Variants in MYO3B observed in about 807,000 individuals in gnomAD.
MYO3B encodes the protein myosin-IIIb.
Under a neutral mutation model 174.6 loss-of-function variants are expected in MYO3B, and 156 were observed. The observed-to-expected ratio is 0.89, with a 90% CI of 0.78 to 1.02. The LOEUF (loss-of-function observed/expected upper bound fraction) is 1.02. MYO3B is among the 50% of genes least tolerant of loss of function. The pLI is 0.00. For missense variants in MYO3B, 1,632 were observed against 1,639.4 expected, an observed-to-expected ratio of 1.00 and a Z score of 0.08; for synonymous variants, 563 against 569.1, an observed-to-expected ratio of 0.99 and a Z score of 0.15.
At chr2:170,357,588 T>C (rs2094132063) in intron 8 of MYO3B, among the ~76,000 whole-genome samples, 1 of 151,974 alleles carries the variant, frequency 6.6e-6, no homozygotes. Flanking sequence ...TTTTTTATCT[T>C]TCCTTATCAC....
intron 8 of MYO3B, among the ~76,000 whole-genome samples, chr2:170,339,002 T>C (rs534452251): frequency 6.6e-6 from 1 of 152,358 alleles, no homozygotes; most frequent in South Asian, 2.1e-4. Context: ...GTGCATTATA[T>C]TTATTCAAAT....
At chr2:170,212,455 G>A (rs2092782130) in intron 3 of MYO3B, among the ~76,000 whole-genome samples, 2 of 152,164 alleles carry the variant, frequency 1.3e-5, no homozygotes, top group African/African-American at 4.8e-5. Flanking sequence ...AGAAGCCAAA[G>A]GAAAAAGACT....
At chr2:170,408,108 G>T (rs958112408) in intron 22 of MYO3B, among the ~76,000 whole-genome samples, 2 of 152,152 alleles carry the variant, frequency 1.3e-5, no homozygotes, top group African/African-American at 4.8e-5. Flanking sequence ...AGACTTTCTT[G>T]TCCTTCTTTT....
In MYO3B at chr2:170,649,263, A is replaced by ATATATTATATATAAAATAATATATAT. The variant is rs1559202029; in HGVS notation, c.3734-2359_3734-2334dup. 3.9e-4 allele frequency among the ~76,000 whole-genome samples: 14 copies of ATATATTATATATAAAATAATATATAT among 35,448 alleles called. 1 individual carries two copies. In the East Asian group the frequency reaches 0.011, roughly 28 times the overall value. The allele number at this position is 35,448 out of a possible 152,430, so 23.3% of individuals were successfully genotyped here. ...TATATTATATATAAAATAATATATA[A>ATATATTATATATAAAATAATATATAT]TATATTATATATAAAATAATATATA... On this transcript the variant is annotated intron_variant, in intron 32 of 34. Transcript: ENST00000408978.
chr2:170,209,693 T>G (rs1221013566), intron 3 of MYO3B, among the ~76,000 whole-genome samples: 1 of 152,176 alleles, frequency 6.6e-6, no homozygotes, highest in African/African-American at 2.4e-5. Context: ...AGAAACACAA[T>G]TGACAAAGAA....
intron 16 of MYO3B, among the ~76,000 whole-genome samples, chr2:170,398,663 T>C (rs2094455464): frequency 6.6e-6 from 1 of 152,136 alleles, no homozygotes; most frequent in African/African-American, 2.4e-5. Flanking sequence ...GAAAGACTCC[T>C]AGCATTCCTA....
intron 25 of MYO3B, among the ~76,000 whole-genome samples, chr2:170,486,916 C>A (rs904174371): frequency 6.6e-6 from 1 of 152,200 alleles, no homozygotes; most frequent in Non-Finnish European, 1.5e-5. Context: ...CAAATCATTT[C>A]CCTTCTCCAC....
intron 1 of MYO3B, among the ~76,000 whole-genome samples, chr2:170,183,713 CA>C: frequency 6.6e-6 from 1 of 152,068 alleles, no homozygotes; most frequent in Non-Finnish European, 1.5e-5. Context: ...AAAAACAATG[CA>C]AAATTTTATA....
At chr2:170,377,877 C>A (rs1383833207) in intron 9 of MYO3B, among the ~76,000 whole-genome samples, 7 of 152,184 alleles carry the variant, frequency 4.6e-5, no homozygotes, top group Non-Finnish European at 8.8e-5. Context: ...TTATCTATGT[C>A]TCCATTCCTC....
intron 7 of MYO3B, among the ~76,000 whole-genome samples, chr2:170,301,916 CT>C (rs1559371138): frequency 7.4e-6 from 1 of 134,640 alleles, no homozygotes; most frequent in Non-Finnish European, 1.5e-5. Context: ...CTGGATTTTC[CT>C]TCTCAGTCAC....
chr2:170,630,046 T>C (rs1696811822), intron 32 of MYO3B, among the ~76,000 whole-genome samples: 1 of 152,186 alleles, frequency 6.6e-6, no homozygotes, highest in Non-Finnish European at 1.5e-5. Context: ...TTCATCTCAT[T>C]GAGACTGGTC....
intron 25 of MYO3B, among the ~76,000 whole-genome samples, chr2:170,482,069 A>C (rs963495560): frequency 2.6e-5 from 4 of 152,092 alleles, no homozygotes; most frequent in Non-Finnish European, 4.4e-5. Context: ...ATGGGGGCAC[A>C]TCTTTCCCTT....
At chr2:170,464,004 A>C (rs948744749) in intron 24 of MYO3B, among the ~76,000 whole-genome samples, 1 of 152,188 alleles carries the variant, frequency 6.6e-6, no homozygotes, top group African/African-American at 2.4e-5. Flanking sequence ...ATAAAGCGTT[A>C]GAGTTGGAAG....
intron 32 of MYO3B, among the ~76,000 whole-genome samples, chr2:170,579,185 G>A (rs978764201): frequency 4.6e-5 from 7 of 152,124 alleles, no homozygotes; most frequent in Admixed American, 2.0e-4. Context: ...TAAACAATAT[G>A]CTTTGTTTGC....
At chr2:170,254,459 C>T (rs2093286032) in intron 7 of MYO3B, among the ~76,000 whole-genome samples, 1 of 152,192 alleles carries the variant, frequency 6.6e-6, no homozygotes, top group Non-Finnish European at 1.5e-5. Flanking sequence ...TCTGCATGCT[C>T]CCAGTGTCTG....
At position 170,652,112 on chromosome 2, in the gene MYO3B, C is replaced by G. The variant is rs773075217; in HGVS notation, c.3845C>G (p.Thr1282Ser). The change falls in exon 34 of 35, where the codon ACT (threonine) becomes AGT (serine). Residue 1282 changes from threonine (T) to serine (S), a missense_variant. Coordinates refer to ENST00000408978, the MANE Select transcript of MYO3B (RefSeq NM_138995.5). ...TGTTCTTGGCCCTCTCCACAGGGAA[C>G]TCTAGAATATCAAGGGAGCAAGAGG... is the stretch of plus-strand genomic sequence containing the variant. The part of the protein sequence containing the change: ...DTMYYNQLNG[T>S]LEYQGSKRKP... 6.2e-7 allele frequency: 1 copy of G among 1,613,904 alleles called. No individual in the cohort carries two copies. Among genetic ancestry groups the G allele is most frequent in the Admixed American group, 1.7e-5 (1 of 59,962 alleles).
chr2:170,368,325 A>G (rs2094213414), intron 8 of MYO3B, among the ~76,000 whole-genome samples: 1 of 152,232 alleles, frequency 6.6e-6, no homozygotes, highest in African/African-American at 2.4e-5. Context: ...AGTGGCTTAA[A>G]AGGGTAGATG....
intron 3 of MYO3B, among the ~76,000 whole-genome samples, chr2:170,212,903 G>A (rs552294019): frequency 6.6e-6 from 1 of 152,338 alleles, no homozygotes; most frequent in East Asian, 1.9e-4. Flanking sequence ...GCAGGTCAGA[G>A]ATTCTCTGGG....
At chr2:170,201,268 A>G (rs2092658143) in intron 3 of MYO3B, among the ~76,000 whole-genome samples, 1 of 152,242 alleles carries the variant, frequency 6.6e-6, no homozygotes, top group Non-Finnish European at 1.5e-5. Context: ...GGACAGGTCT[A>G]TCGCCACATT....
Sources: allele counts gnomAD v4.1 joint callset (sites outside exome capture counted in the v4.1 genomes callset), GRCh38; gene constraint gnomAD v4.1.1; transcripts MANE v1.5; gene names NCBI Gene and HGNC (gene_info 2026-07-23, HGNC 2026-07-21).